Variants in CHEK2 observed in about 807,000 individuals in gnomAD.
CHEK2 encodes the protein serine/threonine-protein kinase Chk2.
A neutral mutation model predicts 69.1 loss-of-function variants in CHEK2; 71 were observed. That is an observed-to-expected ratio of 1.03 (90% CI 0.85 to 1.25). The LOEUF is 1.25. Among genes scored for constraint, CHEK2 ranks in the 50% most tolerant of loss-of-function variants. CHEK2 has a pLI of 0.00. For missense variants in CHEK2, 664 were observed against 649.6 expected, an observed-to-expected ratio of 1.02 and a Z score of -0.24; for synonymous variants, 189 against 226.9, an observed-to-expected ratio of 0.83 and a Z score of 1.50.
chr22:28,719,445 A>G lies in CHEK2; in HGVS notation c.633T>C (p.Val211=), dbSNP rs1555924460. 1.6e-5 allele frequency: 26 copies of G among 1,598,748 alleles called. No individual in the cohort carries two copies. The South Asian group carries it at 2.9e-4, about 18-fold the overall frequency. The change falls in exon 5 of 15, where the codon GTT becomes GTC. Residue 211 remains valine (V), a synonymous_variant. Transcript: ENST00000404276. ...FFDLTVDDQS[V]YPKALRDEYI... is the part of the protein sequence containing the mutation. ...ATTCATCTCTTAATGCCTTAGGATA[A>G]ACTGACTGATCATCTACAGTCAGAT...
Position 28,726,566 on chromosome 22 carries a change from A to ATAATATATAATATATATTATAATCTAT in CHEK2, c.320-1226_320-1200dup, listed in dbSNP as rs2054019823. Among the ~76,000 whole-genome samples, 3 of 145,816 alleles carry ATAATATATAATATATATTATAATCTAT rather than the reference A, an allele frequency of 2.1e-5. No individual in the cohort carries two copies. In the South Asian group the frequency reaches 6.4e-4, roughly 31 times the overall value. On this transcript the variant is annotated intron_variant, in intron 2 of 14. Coordinates refer to ENST00000404276, the MANE Select transcript of CHEK2 (RefSeq NM_007194.4). ...TATAGTAATTATATCTAAATATATA[A>ATAATATATAATATATATTATAATCTAT]TAATATATAATATATATTATAATCT... is the stretch of plus-strand genomic sequence containing the variant.
chr22:28,715,670 T>C (rs1454598718), intron 5 of CHEK2, among the ~76,000 whole-genome samples: 1 of 152,110 alleles, frequency 6.6e-6, no homozygotes, highest in Non-Finnish European at 1.5e-5. Flanking sequence ...TCCACCAGCC[T>C]CGGCCTCCCA....
At chr22:28,711,825 T>C in intron 6 of CHEK2, 84 bp downstream of exon 6, 1 of 996,122 alleles carries the variant, frequency 1.0e-6, no homozygotes, top group Non-Finnish European at 1.6e-6. Context: ...TATTCCTGAG[T>C]TTAAAAATCA....
At chr22:28,697,547 C>T (rs1384367951) in intron 9 of CHEK2, among the ~76,000 whole-genome samples, 1 of 151,476 alleles carries the variant, frequency 6.6e-6, no homozygotes, top group Non-Finnish European at 1.5e-5. Flanking sequence ...ACATACTATG[C>T]CATATTTCTT....
chr22:28,725,333 G>C lies in CHEK2; in HGVS notation c.354C>G (p.Asp118Glu), dbSNP rs757340619. 6 of 1,613,996 alleles carry C rather than the reference G, an allele frequency of 3.7e-6. No individual in the cohort carries two copies. The highest frequency in any genetic ancestry group is 1.3e-5 in the African/African-American group (1 of 75,026). ...CATCAAAGCAATATTCACAGCTTTT[G>C]TCCCTCCCAAACCAGTAGTTGTCAT... The part of the protein sequence containing the change: ...CVNDNYWFGR[D>E]KSCEYCFDEP... Residue 118 changes from aspartate (D) to glutamate (E), a missense_variant, in exon 3 of 15, where the codon GAC (aspartate) becomes GAG (glutamate). Transcript: ENST00000404276.
At chr22:28,728,241 T>A (rs2043283741) in intron 2 of CHEK2, 1 of 152,054 alleles carries the variant, frequency 6.6e-6, no homozygotes, top group African/African-American at 2.4e-5. Flanking sequence ...TTACTAAAAT[T>A]AGAATGAGAG....
intron 4 of CHEK2, among the ~76,000 whole-genome samples, 170 bp from the exon 5 acceptor site, chr22:28,719,655 A>T (rs569442410): frequency 6.6e-6 from 1 of 152,350 alleles, no homozygotes; most frequent in East Asian, 1.9e-4. Flanking sequence ...TAGTGGGCTA[A>T]TACATATTGT....
rs1363341978 is a variant in CHEK2 at position 28,704,117 on chromosome 22, G to GAC, written c.847-553_847-552dup. Among the ~76,000 whole-genome samples the GAC allele has an allele frequency of 3.2e-4, 29 of 90,898 alleles. No individual in the cohort carries two copies. In the East Asian group the frequency reaches 3.8e-3, roughly 12 times the overall value. The allele number at this position is 90,898 out of a possible 152,430, so 59.6% of individuals were successfully genotyped here. ...TGGGTCGGGGGCAGAGAGAGAGACAGACAGACACACACACACACACACACA... is the reference window on the plus strand; with the variant it reads ...TGGGTCGGGGGCAGAGAGAGAGACAGACACAGACACACACACACACACACACA... On this transcript the variant is annotated intron_variant, in intron 7 of 14. Coordinates refer to ENST00000404276, the MANE Select transcript of CHEK2 (RefSeq NM_007194.4).
intron 2 of CHEK2, among the ~76,000 whole-genome samples, chr22:28,725,707 A>T (rs2053979101): frequency 6.6e-6 from 1 of 151,970 alleles, no homozygotes; most frequent in Non-Finnish European, 1.5e-5. Flanking sequence ...CCAAGAATTT[A>T]AAAATTAGTC....
chr22:28,716,354 A>C (rs1569146267), intron 5 of CHEK2, among the ~76,000 whole-genome samples: 1 of 151,298 alleles, frequency 6.6e-6, no homozygotes, highest in Non-Finnish European at 1.5e-5. Flanking sequence ...GCGTCACCAC[A>C]CCTGGCTAAT....
intron 1 of CHEK2, among the ~76,000 whole-genome samples, chr22:28,738,770 G>C (rs941760294): frequency 2.0e-5 from 3 of 152,070 alleles, no homozygotes; most frequent in Non-Finnish European, 2.9e-5. Flanking sequence ...GACCTCAAAA[G>C]CACAGGCAAC....
chr22:28,703,723 G>A (rs2052992719), intron 7 of CHEK2, among the ~76,000 whole-genome samples, 157 bp from the exon 8 acceptor site: 1 of 152,134 alleles, frequency 6.6e-6, no homozygotes. Context: ...GGAGAAGGCA[G>A]ACAGAATCTA....
intron 2 of CHEK2, among the ~76,000 whole-genome samples, chr22:28,728,977 A>AT (rs1270239051): frequency 6.6e-6 from 1 of 151,504 alleles, no homozygotes; most frequent in Non-Finnish European, 1.5e-5. Context: ...CCTGTCTCAA[A>AT]AAAAAGAAAA....
Position 28,694,110 on chromosome 22 carries a change from G to C in CHEK2, c.1383C>G (p.Asp461Glu), listed in dbSNP as rs1060502702. Residue 461 changes from aspartate to glutamate, a missense_variant, in exon 13 of 15, where the codon GAC (aspartate) becomes GAG (glutamate). Coordinates refer to ENST00000404276, the MANE Select transcript of CHEK2 (RefSeq NM_007194.4). ...VWAEVSEKAL[D>E]LVKKLLVVDP... The stretch of plus-strand genomic sequence containing the variant: ...CCACTACCAACAACTTCTTGACAAG[G>C]TCCAGAGCTAAAGCAACAATTGGGC... 19 of 1,593,756 alleles carry C rather than the reference G, an allele frequency of 1.2e-5. No individual in the cohort carries two copies. The highest frequency in any genetic ancestry group is 1.6e-5 in the Non-Finnish European group (19 of 1,177,678).
chr22:28,713,362 C>CTT (rs200104960), intron 5 of CHEK2, among the ~76,000 whole-genome samples: 26 of 140,772 alleles, frequency 1.8e-4, no homozygotes, highest in East Asian at 4.1e-4. Flanking sequence ...TACAAGTTTT[C>CTT]TTTTTTTTTT....
At chr22:28,703,363 T>C (rs547280929) in intron 8 of CHEK2, 142 bp downstream of exon 8, 87 of 628,374 alleles carry the variant, frequency 1.4e-4, no homozygotes, top group Middle Eastern at 1.3e-3. Flanking sequence ...TAACCCCCTA[T>C]ACACAGACTT....
At chr22:28,692,982 T>C (rs1478209854) in intron 13 of CHEK2, among the ~76,000 whole-genome samples, 1 of 152,214 alleles carries the variant, frequency 6.6e-6, no homozygotes, top group African/African-American at 2.4e-5. Flanking sequence ...ATAAGTTTCC[T>C]GAGGCCTCCC....
At chr22:28,725,961 T>C (rs2053993887) in intron 2 of CHEK2, among the ~76,000 whole-genome samples, 2 of 149,484 alleles carry the variant, frequency 1.3e-5, no homozygotes, top group Non-Finnish European at 3.0e-5. Flanking sequence ...TCCCAGCACT[T>C]TGGGAGGCTG....
chr22:28,720,092 A>AGT (rs2053720830), intron 4 of CHEK2, among the ~76,000 whole-genome samples: 1 of 134,474 alleles, frequency 7.4e-6, no homozygotes, highest in Non-Finnish European at 1.5e-5. Context: ...AAAAAAAGTA[A>AGT]TTTTTTTTTT....
Sources: allele counts gnomAD v4.1 joint callset (sites outside exome capture counted in the v4.1 genomes callset), GRCh38; gene constraint gnomAD v4.1.1; transcripts MANE v1.5; gene names NCBI Gene and HGNC (gene_info 2026-07-23, HGNC 2026-07-21).